MAP3K1: variants seen among roughly 807,000 people sequenced by gnomAD.
MAP3K1 encodes MAP/ERK kinase kinase 1.
A neutral mutation model predicts 144.2 loss-of-function variants in MAP3K1; 36 were observed. That is an observed-to-expected ratio of 0.25 (90% CI 0.19 to 0.33). The LOEUF (loss-of-function observed/expected upper bound fraction) is 0.33. Among genes scored for constraint, MAP3K1 ranks in the 10% least tolerant of loss-of-function variants. The pLI is 1.00. For synonymous variants in MAP3K1, 718 were observed against 688.7 expected, an observed-to-expected ratio of 1.04 and a Z score of -0.67; for missense variants, 1,650 against 1,881.9, an observed-to-expected ratio of 0.88 and a Z score of 2.28.
At chr5:56,860,581 G>A (rs832570) in intron 3 of MAP3K1, among the ~76,000 whole-genome samples, 81,410 of 152,064 alleles carry the variant, frequency 0.54, 23,242 homozygotes, top group Non-Finnish European at 0.65. Flanking sequence ...GGCTGGGAGC[G>A]GTGGCTCACA....
chr5:56,858,038 G>A (rs574541173), intron 2 of MAP3K1, among the ~76,000 whole-genome samples: 1 of 152,286 alleles, frequency 6.6e-6, no homozygotes, highest in South Asian at 2.1e-4. Context: ...CACCATTTTA[G>A]CTATTCGTGC....
At chr5:56,880,916 T>C in intron 12 of MAP3K1, 114 bp downstream of exon 12, 1 of 1,055,938 alleles carries the variant, frequency 9.5e-7, no homozygotes, top group South Asian at 1.4e-5. Context: ...AGTAATTTTA[T>C]AAATTGATTC....
chr5:56,850,367 T>C (rs1393246829), intron 1 of MAP3K1, among the ~76,000 whole-genome samples: 1 of 152,208 alleles, frequency 6.6e-6, no homozygotes, highest in Admixed American at 6.5e-5. Context: ...AATCTTAATT[T>C]ATACCTAAGG....
At chr5:56,884,289 G>A (rs1748311574) in intron 15 of MAP3K1, among the ~76,000 whole-genome samples, 1 of 150,708 alleles carries the variant, frequency 6.6e-6, no homozygotes, top group South Asian at 2.1e-4. Context: ...TACTTGTGCG[G>A]TGCCATCTTG....
At chr5:56,829,989 A>G (rs1306469256) in intron 1 of MAP3K1, among the ~76,000 whole-genome samples, 1 of 152,212 alleles carries the variant, frequency 6.6e-6, no homozygotes, top group African/African-American at 2.4e-5. Flanking sequence ...CTCAGGTCCA[A>G]AAAAGCAGTT....
At chr5:56,880,643 ACTC>A (rs1392683648) in intron 11 of MAP3K1, 65 bp from the exon 12 acceptor site, 1 of 1,014,012 alleles carries the variant, frequency 9.9e-7, no homozygotes, top group African/African-American at 1.6e-5. Flanking sequence ...GCATTACATT[ACTC>A]CTCTAATATT....
At chr5:56,860,198 T>G (rs1747464044) in intron 3 of MAP3K1, among the ~76,000 whole-genome samples, 1 of 152,196 alleles carries the variant, frequency 6.6e-6, no homozygotes, top group South Asian at 2.1e-4. Context: ...GCTACAACTG[T>G]AGAAACTATA....
At chr5:56,849,083 A>C (rs531219986) in intron 1 of MAP3K1, among the ~76,000 whole-genome samples, 3 of 152,236 alleles carry the variant, frequency 2.0e-5, no homozygotes, top group African/African-American at 7.2e-5. Flanking sequence ...GCAGTGGCTC[A>C]TGCCTGTAAT....
chr5:56,856,753 A>G lies in MAP3K1; in HGVS notation c.633+3A>G. The stretch of plus-strand genomic sequence containing the variant: ...GGAGAAATAGGCGAGGGCCTGTGGT[A>G]AGTGGCTATGGGTTACCAGTTATAA... On this transcript the variant is annotated splice_donor_region_variant and intron_variant, in intron 2 of 19. Transcript: ENST00000399503. The G allele has an allele frequency of 6.2e-7, 1 of 1,613,874 alleles. No homozygotes were observed. Among genetic ancestry groups the G allele is most frequent in the Non-Finnish European group, 8.5e-7 (1 of 1,179,790 alleles).
intron 1 of MAP3K1, among the ~76,000 whole-genome samples, chr5:56,852,266 G>A (rs1419760948): frequency 1.3e-5 from 2 of 152,218 alleles, no homozygotes; most frequent in Admixed American, 6.5e-5. Flanking sequence ...CCTCATAGAA[G>A]AGTAGAGGAG....
At position 56,815,901 on chromosome 5, in the gene MAP3K1, G is replaced by T; in HGVS notation, c.328G>T (p.Val110Leu). 1.5e-6 allele frequency: 2 copies of T among 1,307,370 alleles called. No individual in the cohort carries two copies. The highest frequency in any genetic ancestry group is 1.9e-6 in the Non-Finnish European group (2 of 1,028,694). The allele number at this position is 1,307,370 out of a possible 1,614,324, so 81.0% of individuals were successfully genotyped here. ...TGGGACCGGCTTCCAGCCTGTGGCGGTGCCGCCGCCCCACGGAGCCGCGAG... is the reference window on the plus strand; with the variant it reads ...TGGGACCGGCTTCCAGCCTGTGGCGTTGCCGCCGCCCCACGGAGCCGCGAG... ...GSGTGFQPVA[V>L]PPPHGAASRG... Residue 110 changes from valine (V) to leucine (L), a missense_variant, in exon 1 of 20, where the codon GTG (valine) becomes TTG (leucine). By Grantham distance (32) the Val-to-Leu change is conservative (BLOSUM62 1). Transcript: ENST00000399503.
chr5:56,837,338 G>A (rs1396257621), intron 1 of MAP3K1, among the ~76,000 whole-genome samples: 1 of 152,094 alleles, frequency 6.6e-6, no homozygotes, highest in African/African-American at 2.4e-5. Context: ...GGTTTTCACT[G>A]AAATATATAT....
At chr5:56,851,680 G>A (rs1747177749) in intron 1 of MAP3K1, among the ~76,000 whole-genome samples, 1 of 152,194 alleles carries the variant, frequency 6.6e-6, no homozygotes, top group African/African-American at 2.4e-5. Context: ...AACTCTCAGG[G>A]AGAGAGCTGA....
intron 19 of MAP3K1, among the ~76,000 whole-genome samples, chr5:56,889,302 G>A (rs898559800): frequency 7.3e-5 from 11 of 151,390 alleles, no homozygotes; most frequent in African/African-American, 2.7e-4. Flanking sequence ...CCAGGTAGCT[G>A]AGACTACAGG....
At position 56,864,828 on chromosome 5, in the gene MAP3K1, A is replaced by G. The variant is rs778567497; in HGVS notation, c.929A>G (p.Lys310Arg). ...SPEETNRRVN[K>R]VMRARLYLLQ... ...GAGGAAACAAACCGCCGTGTTAACAAAGTGATGCGGGCCAGACTGTACTTA... is the reference window on the plus strand; with the variant it reads ...GAGGAAACAAACCGCCGTGTTAACAGAGTGATGCGGGCCAGACTGTACTTA... The change falls in exon 4 of 20, where the codon AAA becomes AGA. Residue 310 changes from lysine to arginine, a missense_variant. Lys to Arg is a conservative substitution (Grantham distance 26). Around this residue, in one of 6 missense-constraint regions of MAP3K1, gnomAD observed 148 missense variants for 177.2 expected, o/e 0.84. Coordinates refer to ENST00000399503, the MANE Select transcript of MAP3K1 (RefSeq NM_005921.2). 2 of 1,614,004 alleles carry G rather than the reference A, an allele frequency of 1.2e-6. No homozygotes were observed. The highest frequency in any genetic ancestry group is 2.2e-5 in the East Asian group (1 of 44,882).
intron 1 of MAP3K1, among the ~76,000 whole-genome samples, chr5:56,834,026 A>T (rs1746571989): frequency 1.3e-5 from 2 of 152,238 alleles, no homozygotes; most frequent in South Asian, 4.1e-4. Flanking sequence ...AACAAAGGAG[A>T]TTATCTTTTA....
chr5:56,876,038 TTC>T (rs139809605), intron 10 of MAP3K1, among the ~76,000 whole-genome samples: 15 of 152,294 alleles, frequency 9.8e-5, no homozygotes, highest in African/African-American at 3.6e-4. Flanking sequence ...CTGTTAAAAG[TTC>T]TTTCATGGGT....
intron 3 of MAP3K1, among the ~76,000 whole-genome samples, chr5:56,861,497 C>T (rs953068380): frequency 1.4e-4 from 21 of 149,548 alleles, no homozygotes; most frequent in Non-Finnish European, 2.4e-4. Context: ...GGCTTGAACC[C>T]GGGAGGCAGA....
At chr5:56,887,580 T>C (rs1423525170) in intron 18 of MAP3K1, 60 bp downstream of exon 18, 3 of 1,565,378 alleles carry the variant, frequency 1.9e-6, no homozygotes, top group Non-Finnish European at 2.6e-6. Flanking sequence ...GTAACAGCAT[T>C]ATACTAAATT....
Sources: gnomAD v4.1 joint callset for allele counts (sites outside exome capture counted in the v4.1 genomes callset) on GRCh38, gnomAD v4.1.1 for gene constraint, gnomAD v4.1.1 regional missense constraint, MANE v1.5 for transcripts, NCBI Gene and HGNC (gene_info 2026-07-23, HGNC 2026-07-21) for gene names.